VRK1: variants seen among roughly 807,000 people sequenced by gnomAD.
The protein encoded by VRK1 is serine/threonine-protein kinase VRK1.
A neutral mutation model predicts 57.1 loss-of-function variants in VRK1; 33 were observed. The observed-to-expected ratio is 0.58, with a 90% confidence interval of 0.44 to 0.77. VRK1 has a LOEUF of 0.77. Ranked by LOEUF, VRK1 falls within the 30% of genes least tolerant of loss-of-function variation. The pLI, the probability that VRK1 is intolerant of heterozygous loss-of-function variation, is 0.00. For missense variants in VRK1, 413 were observed against 477.3 expected (o/e 0.87, Z 1.25); for synonymous variants, 137 against 147.8 (o/e 0.93, Z 0.53).
chr14:96,847,556 C>T (rs778122445), intron 5 of VRK1, among the ~76,000 whole-genome samples: 1 of 152,148 alleles, frequency 6.6e-6, no homozygotes, highest in Non-Finnish European at 1.5e-5. Context: ...AATAGGAGTG[C>T]CTCTCTAGTC....
chr14:96,820,570 G>T (rs112604458), intron 1 of VRK1, among the ~76,000 whole-genome samples: 12,644 of 152,144 alleles, frequency 0.083, 691 homozygotes, highest in Non-Finnish European at 0.13. Context: ...TTTTGAACTC[G>T]AATAAGAAAA....
intron 12 of VRK1, 108 bp downstream of exon 12, chr14:96,876,228 A>G: frequency 1.0e-6 from 1 of 953,854 alleles, no homozygotes. Flanking sequence ...TGATTTTATA[A>G]TAAAATACCA....
intron 11 of VRK1, among the ~76,000 whole-genome samples, chr14:96,866,289 T>TGG: frequency 6.6e-6 from 1 of 152,144 alleles, no homozygotes; most frequent in Admixed American, 6.5e-5. Flanking sequence ...AATACATATT[T>TGG]GGGGGTGGAT....
intron 1 of VRK1, among the ~76,000 whole-genome samples, chr14:96,799,853 C>T (rs1885587160): frequency 6.6e-6 from 1 of 152,018 alleles, no homozygotes; most frequent in South Asian, 2.1e-4. Flanking sequence ...GATCACGTGC[C>T]CCCTATTTAC....
chr14:96,862,405 CAG>C (rs1888425569), intron 11 of VRK1, among the ~76,000 whole-genome samples: 1 of 151,962 alleles, frequency 6.6e-6, no homozygotes. Context: ...ATTGCTGACA[CAG>C]GGTTATTCTT....
At chr14:96,818,629 C>T (rs1886480637) in intron 1 of VRK1, among the ~76,000 whole-genome samples, 1 of 151,950 alleles carries the variant, frequency 6.6e-6, no homozygotes, top group Non-Finnish European at 1.5e-5. Flanking sequence ...TATTTTGATA[C>T]TTATTTTTTT....
intron 2 of VRK1, among the ~76,000 whole-genome samples, chr14:96,835,939 A>G (rs1887194444): frequency 1.3e-5 from 2 of 152,094 alleles, no homozygotes; most frequent in African/African-American, 4.8e-5. Flanking sequence ...AGATAATACG[A>G]TCATCCTGTT....
intron 11 of VRK1, among the ~76,000 whole-genome samples, chr14:96,873,849 G>A (rs1017201211): frequency 9.9e-5 from 15 of 152,236 alleles, no homozygotes; most frequent in African/African-American, 3.1e-4. Context: ...TGCAGACTAC[G>A]TACATTATTA....
chr14:96,811,092 G>T (rs542352703), intron 1 of VRK1, among the ~76,000 whole-genome samples: 1 of 152,160 alleles, frequency 6.6e-6, no homozygotes, highest in East Asian at 1.9e-4. Context: ...ACCACGCCCA[G>T]CTAATTTTTT....
Position 96,860,650 on chromosome 14 carries a change from TA to T in VRK1, c.987del (p.Ala330LeufsTer2). 6.2e-7 allele frequency: 1 copy of T among 1,613,430 alleles called. No individual in the cohort carries two copies. The highest frequency in any genetic ancestry group is 8.5e-7 in the Non-Finnish European group (1 of 1,179,570). ...TTACGTGACATTCTTTTGCAAGGAC[TA>T]AAAGCTATAGGAAGTAAGGATGATG... ...ENLRDILLQG[L>X]KAIGSKDDGK... On this transcript the variant is annotated frameshift_variant, in exon 11 of 13. Coordinates refer to ENST00000216639, the MANE Select transcript of VRK1 (RefSeq NM_003384.3). LOFTEE classifies it high-confidence loss of function.
chr14:96,872,311 C>T (rs1164626042), intron 11 of VRK1, among the ~76,000 whole-genome samples: 1 of 152,144 alleles, frequency 6.6e-6, no homozygotes, highest in Admixed American at 6.5e-5. Flanking sequence ...GAAATTACCT[C>T]TTTATTACAA....
At chr14:96,850,197 GAAAGT>G (rs1296649237) in intron 5 of VRK1, among the ~76,000 whole-genome samples, 1 of 152,154 alleles carries the variant, frequency 6.6e-6, no homozygotes, top group Non-Finnish European at 1.5e-5. Flanking sequence ...ATAGGTCTTA[GAAAGT>G]AAAGAAATAG....
intron 12 of VRK1, among the ~76,000 whole-genome samples, chr14:96,879,037 T>C (rs1889147649): frequency 6.6e-6 from 1 of 152,108 alleles, no homozygotes; most frequent in Non-Finnish European, 1.5e-5. Context: ...GCATGACTAG[T>C]CAAAAAGTAG....
chr14:96,835,158 G>T (rs1346324213), intron 2 of VRK1, among the ~76,000 whole-genome samples: 1 of 152,148 alleles, frequency 6.6e-6, no homozygotes, highest in Admixed American at 6.5e-5. Flanking sequence ...GGACTTGCTT[G>T]AGTATTGTCG....
At chr14:96,811,792 A>G (rs771968303) in intron 1 of VRK1, among the ~76,000 whole-genome samples, 20 of 151,794 alleles carry the variant, frequency 1.3e-4, no homozygotes, top group Non-Finnish European at 1.2e-4. Flanking sequence ...TTTAAAGCAA[A>G]CAGCTTTAGT....
At chr14:96,876,187 T>C in intron 12 of VRK1, 67 bp downstream of exon 12, 1 of 1,464,108 alleles carries the variant, frequency 6.8e-7, no homozygotes, top group Non-Finnish European at 9.6e-7. Context: ...TCCCATTAGA[T>C]GAGGGGTCAA....
At chr14:96,812,144 A>G (rs2139698267) in intron 1 of VRK1, among the ~76,000 whole-genome samples, 1 of 152,312 alleles carries the variant, frequency 6.6e-6, no homozygotes, top group South Asian at 2.1e-4. Context: ...ATAATATTCC[A>G]TTGTATAGGT....
chr14:96,860,436 A>C, intron 10 of VRK1, 121 bp from the exon 11 acceptor site: 1 of 922,556 alleles, frequency 1.1e-6, no homozygotes, highest in South Asian at 1.9e-5. Flanking sequence ...GATTGAAAAA[A>C]ATAGGTATCT....
chr14:96,844,288 T>G (rs1250837879), intron 3 of VRK1, among the ~76,000 whole-genome samples: 2 of 152,094 alleles, frequency 1.3e-5, no homozygotes, highest in African/African-American at 4.8e-5. Context: ...GGGTACTGAG[T>G]CCATAAGTTA....
Sources: allele counts gnomAD v4.1 joint callset (sites outside exome capture counted in the v4.1 genomes callset), GRCh38; gene constraint gnomAD v4.1.1; transcripts MANE v1.5; gene names NCBI Gene and HGNC (gene_info 2026-07-23, HGNC 2026-07-21).